Variants in OSBPL5 observed in about 807,000 individuals in gnomAD.
OSBPL5 encodes oxysterol binding protein like 5.
In OSBPL5, 71 loss-of-function variants were observed where a neutral mutation model predicts 111.2. The observed-to-expected ratio is 0.64, with a 90% CI of 0.53 to 0.78. The LOEUF (loss-of-function observed/expected upper bound fraction) is 0.78. Among genes scored for constraint, OSBPL5 ranks in the 30% least tolerant of loss-of-function variants. The pLI is 0.00. For synonymous variants in OSBPL5, 549 were observed against 513.9 expected (o/e 1.07, Z -0.93); for missense variants, 1,210 against 1,189.3 (o/e 1.02, Z -0.26).
rs1858406481 is a variant in OSBPL5 at position 3,121,248 on chromosome 11, G to C, written c.403-624C>G. Among the ~76,000 whole-genome samples the C allele has an allele frequency of 6.6e-6, 1 of 151,962 alleles. No homozygotes were observed. The highest frequency in any genetic ancestry group is 2.4e-5 in the African/African-American group (1 of 41,338). On this transcript the variant is annotated intron_variant, in intron 5 of 21. Transcript: ENST00000263650. This position sits in a 1 kb window ranked among gnomAD's most constrained non-coding sequence, Gnocchi z 4.3. ...AATTTCTGTATTTTTAGTAGAGACG[G>C]GGTTTTGCCATTTTGGACAGGCTGG...
At chr11:3,091,107 A>G (rs1279369113) in intron 19 of OSBPL5, among the ~76,000 whole-genome samples, 2 of 152,110 alleles carry the variant, frequency 1.3e-5, no homozygotes, top group Non-Finnish European at 2.9e-5. Context: ...GTTCATAGGA[A>G]CCCCAGATGG....
chr11:3,133,403 G>A (rs1455346851), intron 1 of OSBPL5, among the ~76,000 whole-genome samples: 1 of 152,362 alleles, frequency 6.6e-6, no homozygotes, highest in East Asian at 1.9e-4. Context: ...CAAAAGGCCT[G>A]TTATCGCCAC....
chr11:3,092,527 C>A lies in OSBPL5; in HGVS notation c.2164G>T (p.Ala722Ser). Residue 722 changes from alanine to serine, a missense_variant, in exon 19 of 22, where the codon GCC becomes TCC. Ala to Ser is a moderately conservative substitution (Grantham distance 99). Coordinates refer to ENST00000263650, the MANE Select transcript of OSBPL5 (RefSeq NM_020896.4). This position sits in a 1 kb window ranked among gnomAD's most constrained non-coding sequence, Gnocchi z 5.4. ...AGGATCCCGTCTTGCTCAAACTGGG[C>A]GATGTCCTTCAGGGGGTCCCAGGGG... ...HSPWDPLKDI[A>S]QFEQDGILRT... is the part of the protein sequence containing the mutation. 1 of 1,589,404 alleles carries A rather than the reference C, an allele frequency of 6.3e-7. No homozygotes were observed. Among genetic ancestry groups the A allele is most frequent in the Non-Finnish European group, 8.6e-7 (1 of 1,168,138 alleles).
intron 7 of OSBPL5, among the ~76,000 whole-genome samples, chr11:3,115,873 C>CTTTT (rs369499437): frequency 0.014 from 2,019 of 144,018 alleles, 39 homozygotes; most frequent in African/African-American, 0.047. Context: ...AGGCTTTTGC[C>CTTTT]TTTTTTTTTT....
intron 14 of OSBPL5, among the ~76,000 whole-genome samples, chr11:3,097,878 C>G (rs1283185959): frequency 6.6e-6 from 1 of 152,100 alleles, no homozygotes; most frequent in East Asian, 1.9e-4. Flanking sequence ...ACCAGCCTGG[C>G]CAACACGGTG....
chr11:3,096,627 AAAG>A (rs925175551), intron 14 of OSBPL5, among the ~76,000 whole-genome samples: 19 of 151,406 alleles, frequency 1.3e-4, no homozygotes, highest in Non-Finnish European at 2.2e-4. Context: ...AAAAAAAAAA[AAAG>A]ACAGAAAGAA....
At chr11:3,145,266 G>A (rs1411620737) in intron 1 of OSBPL5, among the ~76,000 whole-genome samples, 1 of 152,130 alleles carries the variant, frequency 6.6e-6, no homozygotes, top group Non-Finnish European at 1.5e-5. Flanking sequence ...CTCCCCCAGG[G>A]CTCCAGCCTC....
rs1846090565 is a variant in OSBPL5, at chr11:3,140,917, G to A, written c.-21-11748C>T. On this transcript the variant is annotated intron_variant, in intron 1 of 21. Transcript: ENST00000263650. The surrounding 1 kb of genome is among the most constrained non-coding windows in gnomAD (Gnocchi z 4.5). ...GGTGTGACAGCCCAGGGGGCCCTGG[G>A]GCCAGGTGACCACCTCAGAGCCACT... is the stretch of plus-strand genomic sequence containing the variant. Among the ~76,000 whole-genome samples the A allele has an allele frequency of 6.6e-6, 1 of 151,994 alleles. No individual in the cohort carries two copies. The highest frequency in any genetic ancestry group is 1.5e-5 in the Non-Finnish European group (1 of 67,980).
rs144327124 is a variant in OSBPL5, at chr11:3,158,379, C to T, written c.-22+6837G>A. 5.0e-3 allele frequency among the ~76,000 whole-genome samples: 764 copies of T among 152,376 alleles called. 3 individuals carry two copies. The highest frequency in any genetic ancestry group is 0.016 in the African/African-American group (672 of 41,582). ...TCAGAGGGTGCCACGTGGGAGCACG[C>T]GCTCCTACAAAGCACAAACGGCTCT... is the stretch of plus-strand genomic sequence containing the variant. On this transcript the variant is annotated intron_variant, in intron 1 of 21. Transcript: ENST00000263650.
intron 14 of OSBPL5, chr11:3,094,673 C>T (rs1187589594): frequency 3.8e-6 from 1 of 260,760 alleles, no homozygotes; most frequent in Non-Finnish European, 7.6e-6. Flanking sequence ...GCCTCCTGTT[C>T]CAGCCTCCTG....
rs1035929479 is a variant in OSBPL5 at position 3,140,780 on chromosome 11, C to A, written c.-21-11611G>T. Among the ~76,000 whole-genome samples, 1 of 152,150 alleles carries A rather than the reference C, an allele frequency of 6.6e-6. No individual in the cohort carries two copies. The highest frequency in any genetic ancestry group is 1.5e-5 in the Non-Finnish European group (1 of 68,026). On this transcript the variant is annotated intron_variant, in intron 1 of 21. Transcript: ENST00000263650. The surrounding 1 kb of genome is among the most constrained non-coding windows in gnomAD (Gnocchi z 4.5). ...CCTTGGGGTATGTGGGTACCTGGGG[C>A]GGCCCCTCATGTCCAGGAGCTGAGG... is the stretch of plus-strand genomic sequence containing the variant.
intron 21 of OSBPL5, 108 bp downstream of exon 21, chr11:3,089,738 A>G: frequency 9.9e-7 from 1 of 1,012,322 alleles, no homozygotes; most frequent in Non-Finnish European, 1.5e-6. Context: ...AGCTCCGATG[A>G]CAACCCCAGC....
chr11:3,148,922 A>T (rs985215942), intron 1 of OSBPL5, among the ~76,000 whole-genome samples: 8 of 152,366 alleles, frequency 5.3e-5, no homozygotes, highest in African/African-American at 1.9e-4. Context: ...GAGCTGGAGA[A>T]TTCGCAGAGG....
chr11:3,139,158 C>T (rs11025569), intron 1 of OSBPL5, among the ~76,000 whole-genome samples: 76,158 of 152,132 alleles, frequency 0.5, 20,509 homozygotes, highest in Non-Finnish European at 0.61. Context: ...CAGCTGTTCC[C>T]GTTCAGGGGA....
intron 5 of OSBPL5, 111 bp from the exon 6 acceptor site, chr11:3,120,735 C>T (rs1686314959): frequency 3.6e-6 from 4 of 1,096,366 alleles, no homozygotes; most frequent in East Asian, 2.6e-5. Flanking sequence ...TGCCGAGGGG[C>T]CCTTCCCCTC....
intron 10 of OSBPL5, among the ~76,000 whole-genome samples, chr11:3,103,756 G>GCCTGTGCCGCCCCCTTCCAGC (rs570227138): frequency 5.3e-5 from 3 of 56,804 alleles, no homozygotes; most frequent in Non-Finnish European, 1.1e-4. Context: ...CCCTCTTCCA[G>GCCTGTGCCGCCCCCTTCCAGC]CTCTGCAGCC....
At chr11:3,158,412 C>A (rs1005944889) in intron 1 of OSBPL5, among the ~76,000 whole-genome samples, 4 of 152,264 alleles carry the variant, frequency 2.6e-5, no homozygotes, top group African/African-American at 9.6e-5. Context: ...TCTTGGTGCC[C>A]ACACTGGCAC....
rs766928689 is a variant in OSBPL5 at position 3,093,320 on chromosome 11, C to T, written c.1946+207G>A. The T allele has an allele frequency of 1.6e-4, 136 of 863,056 alleles. No homozygotes were observed. The Middle Eastern group carries it at 2.2e-3, about 14-fold the overall frequency. The allele number at this position is 863,056 out of a possible 1,614,324, so 53.5% of individuals were successfully genotyped here. ...CCGGCAGTGATGCAGTGAGAGGTCA[C>T]GGCAGCCGGCTCCTCTCCAGGCCAC... On this transcript the variant is annotated intron_variant, in intron 17 of 21. Coordinates refer to ENST00000263650, the MANE Select transcript of OSBPL5 (RefSeq NM_020896.4).
At chr11:3,097,005 A>G (rs1418989634) in intron 14 of OSBPL5, among the ~76,000 whole-genome samples, 93 of 16,322 alleles carry the variant, frequency 5.7e-3, no homozygotes, top group Non-Finnish European at 6.6e-3. Flanking sequence ...AAGAGGAAAG[A>G]GGGGGAAGAC....
Sources: gnomAD v4.1 joint callset for allele counts (sites outside exome capture counted in the v4.1 genomes callset) on GRCh38, gnomAD v4.1.1 for gene constraint, Gnocchi (gnomAD v3.1) non-coding constraint, MANE v1.5 for transcripts, NCBI Gene and HGNC (gene_info 2026-07-23, HGNC 2026-07-21) for gene names.